RSRC1: variants seen among roughly 807,000 people sequenced by gnomAD.
RSRC1 encodes the protein serine/Arginine-related protein 53.
A neutral mutation model predicts 49.1 loss-of-function variants in RSRC1; 39 were observed. The ratio of observed to expected loss-of-function variants is 0.79; its 90% CI spans 0.61 to 1.04. The LOEUF (loss-of-function observed/expected upper bound fraction) is 1.04. RSRC1 is among the 50% of genes least tolerant of loss of function. The pLI is 0.00. For missense variants in RSRC1, 388 were observed against 402.4 expected, an observed-to-expected ratio of 0.96 and a Z score of 0.31; for synonymous variants, 143 against 130.8, an observed-to-expected ratio of 1.09 and a Z score of -0.63.
At chr3:158,146,172 A>T (rs74481668) in intron 3 of RSRC1, among the ~76,000 whole-genome samples, 13 of 151,632 alleles carry the variant, frequency 8.6e-5, no homozygotes, top group African/African-American at 1.2e-4. Context: ...TATGTTGAAT[A>T]GGAGTGGTGA....
intron 3 of RSRC1, among the ~76,000 whole-genome samples, chr3:158,192,232 C>G (rs2108264996): frequency 6.6e-6 from 1 of 152,126 alleles, no homozygotes; most frequent in South Asian, 2.1e-4. Context: ...TGTTTTAAAA[C>G]TTACTGCTTT....
At chr3:158,299,084 A>T (rs1207611372) in intron 5 of RSRC1, among the ~76,000 whole-genome samples, 2 of 152,118 alleles carry the variant, frequency 1.3e-5, no homozygotes, top group Non-Finnish European at 2.9e-5. Context: ...TATAATAGAA[A>T]ATTTGAGCTA....
chr3:158,334,692 T>TGTA (rs1729782776), intron 5 of RSRC1, among the ~76,000 whole-genome samples: 1 of 142,626 alleles, frequency 7.0e-6, no homozygotes, highest in Non-Finnish European at 1.5e-5. Context: ...TGTGTATGTG[T>TGTA]TGTGTTTTAG....
rs752668284 is a variant in RSRC1 at position 158,122,270 on chromosome 3, C to A, written c.166C>A (p.Gln56Lys). ...GTCAAGATCTTGGTCCAGAGATCTT[C>A]AGCCTCGTTCACATTCTTATGATAG... is the stretch of plus-strand genomic sequence containing the variant. ...SKSRSWSRDL[Q>K]PRSHSYDRRR... Residue 56 changes from glutamine to lysine, a missense_variant, in exon 2 of 10, where the codon CAG becomes AAG. Transcript: ENST00000611884. The A allele has an allele frequency of 6.3e-7, 1 of 1,590,138 alleles. No homozygotes were observed. The highest frequency in any genetic ancestry group is 8.6e-7 in the Non-Finnish European group (1 of 1,168,458).
intron 4 of RSRC1, among the ~76,000 whole-genome samples, chr3:158,217,183 A>T (rs1721987827): frequency 6.6e-6 from 1 of 151,650 alleles, no homozygotes. Context: ...ATTAGTAACG[A>T]GTACTGCTCT....
At chr3:158,210,551 C>T (rs1047473817) in intron 4 of RSRC1, among the ~76,000 whole-genome samples, 2 of 150,396 alleles carry the variant, frequency 1.3e-5, no homozygotes, top group Non-Finnish European at 2.9e-5. Context: ...TACATGTGTG[C>T]ACTGGAATCT....
chr3:158,134,316 A>G (rs947930492), intron 3 of RSRC1, among the ~76,000 whole-genome samples: 15 of 152,196 alleles, frequency 9.9e-5, no homozygotes, highest in Non-Finnish European at 1.0e-4. Flanking sequence ...TGTATTTATA[A>G]GCATCCTAAC....
Position 158,386,165 on chromosome 3 carries a change from T to C in RSRC1, c.583+31257T>C, listed in dbSNP as rs1732954767. Among the ~76,000 whole-genome samples the C allele has an allele frequency of 2.6e-5, 4 of 152,126 alleles. No individual in the cohort carries two copies. In the South Asian group the frequency reaches 8.3e-4, roughly 32 times the overall value. On this transcript the variant is annotated intron_variant, in intron 6 of 9. Transcript: ENST00000611884. ...TTTAGAAAACATACAGTATATGCTT[T>C]AAAAAAAGGCATTTTTTAAAAAAGC...
At chr3:158,216,768 T>C (rs1721967159) in intron 4 of RSRC1, among the ~76,000 whole-genome samples, 1 of 151,744 alleles carries the variant, frequency 6.6e-6, no homozygotes, top group Non-Finnish European at 1.5e-5. Flanking sequence ...AGAGGTGAAT[T>C]TGTTATCCTT....
At chr3:158,399,798 G>A (rs958053948) in intron 6 of RSRC1, among the ~76,000 whole-genome samples, 2 of 152,038 alleles carry the variant, frequency 1.3e-5, no homozygotes, top group South Asian at 2.1e-4. Flanking sequence ...CCAAGCTGTG[G>A]ACTAGCTCCC....
chr3:158,250,962 A>T (rs910962030), intron 4 of RSRC1, among the ~76,000 whole-genome samples: 3 of 152,272 alleles, frequency 2.0e-5, no homozygotes, highest in East Asian at 1.9e-4. Flanking sequence ...GTACTTTCGT[A>T]GTTTGAGGTC....
intron 7 of RSRC1, among the ~76,000 whole-genome samples, chr3:158,513,462 A>T: frequency 6.6e-6 from 1 of 152,024 alleles, no homozygotes; most frequent in East Asian, 1.9e-4. Context: ...TCCAGGGATG[A>T]AGCCCACTTG....
At chr3:158,475,926 A>G (rs1560058762) in intron 7 of RSRC1, among the ~76,000 whole-genome samples, 1 of 152,182 alleles carries the variant, frequency 6.6e-6, no homozygotes, top group Non-Finnish European at 1.5e-5. Context: ...GAGAGGATGA[A>G]AGCTAGGCAT....
chr3:158,320,655 A>G (rs1046672093), intron 5 of RSRC1, among the ~76,000 whole-genome samples: 1 of 152,104 alleles, frequency 6.6e-6, no homozygotes, highest in Non-Finnish European at 1.5e-5. Flanking sequence ...AAAATTATAA[A>G]TTCATAGATC....
intron 8 of RSRC1, among the ~76,000 whole-genome samples, 160 bp from the exon 9 acceptor site, chr3:158,543,175 A>G (rs1428699074): frequency 6.6e-6 from 1 of 152,158 alleles, no homozygotes; most frequent in African/African-American, 2.4e-5. Context: ...AAATAACTGT[A>G]TTTCTAAAAC....
chr3:158,156,631 A>T (rs892533747), intron 3 of RSRC1, among the ~76,000 whole-genome samples: 2 of 152,196 alleles, frequency 1.3e-5, no homozygotes, highest in Non-Finnish European at 2.9e-5. Flanking sequence ...CTTAGAGGCC[A>T]TTGAAGGGTT....
intron 5 of RSRC1, among the ~76,000 whole-genome samples, chr3:158,321,039 C>CT (rs990041337): frequency 1.3e-5 from 2 of 151,778 alleles, no homozygotes; most frequent in Non-Finnish European, 2.9e-5. Flanking sequence ...AATATAAGTA[C>CT]TTTTTTTTAA....
chr3:158,300,591 A>T (rs78988982), intron 5 of RSRC1, among the ~76,000 whole-genome samples: 4,052 of 152,254 alleles, frequency 0.027, 166 homozygotes, highest in African/African-American at 0.093. Flanking sequence ...TCTAGCATAG[A>T]TGTAGCTCTT....
chr3:158,241,460 A>T (rs1206025977), intron 4 of RSRC1, among the ~76,000 whole-genome samples: 2 of 150,766 alleles, frequency 1.3e-5, no homozygotes, highest in Non-Finnish European at 3.0e-5. Context: ...TGTCTCAAAA[A>T]TATATATATA....
Sources: allele counts gnomAD v4.1 joint callset (sites outside exome capture counted in the v4.1 genomes callset), GRCh38; gene constraint gnomAD v4.1.1; transcripts MANE v1.5; gene names NCBI Gene and HGNC (gene_info 2026-07-23, HGNC 2026-07-21).